MYO5B: variants seen among roughly 807,000 people sequenced by gnomAD.
The protein encoded by MYO5B is unconventional myosin-Vb.
Under a neutral mutation model 229.3 loss-of-function variants are expected in MYO5B, and 143 were observed. The observed-to-expected ratio is 0.62, with a 90% CI of 0.54 to 0.72. The LOEUF (loss-of-function observed/expected upper bound fraction) is 0.72. Among genes scored for constraint, MYO5B ranks in the 30% least tolerant of loss-of-function variants. MYO5B has a pLI of 0.00. For missense variants in MYO5B, 2,321 were observed against 2,331.0 expected (o/e 1.00, Z 0.09); for synonymous variants, 918 against 885.2 (o/e 1.04, Z -0.66).
intron 1 of MYO5B, among the ~76,000 whole-genome samples, chr18:50,168,104 G>A (rs2032878535): frequency 6.6e-6 from 1 of 152,160 alleles, no homozygotes; most frequent in Non-Finnish European, 1.5e-5. Context: ...ATTCAGCACT[G>A]CATTGATAGA....
At position 49,961,892 on chromosome 18, in the gene MYO5B, C is replaced by G. The variant is rs898518116; in HGVS notation, c.1545+374G>C. Among the ~76,000 whole-genome samples the G allele has an allele frequency of 5.3e-5, 8 of 152,160 alleles. No homozygotes were observed. In the South Asian group the frequency reaches 6.2e-4, roughly 12 times the overall value. ...ACTCTATCACTCACAAGCCATCTGA[C>G]GTGGCATTAGCAATCCCAGACTTTA... On this transcript the variant is annotated intron_variant, in intron 12 of 39. Coordinates refer to ENST00000285039, the MANE Select transcript of MYO5B (RefSeq NM_001080467.3).
chr18:50,163,181 A>G (rs572628788), intron 1 of MYO5B, among the ~76,000 whole-genome samples: 1 of 152,254 alleles, frequency 6.6e-6, no homozygotes, highest in African/African-American at 2.4e-5. Context: ...GCAAAGCCCA[A>G]CCAAGCCTGC....
chr18:50,195,095 G>A lies in MYO5B; in HGVS notation c.-302C>T. The A allele has an allele frequency of 3.7e-6, 1 of 271,534 alleles. No homozygotes were observed. The allele number at this position is 271,534 out of a possible 1,614,324, so 16.8% of individuals were successfully genotyped here. On this transcript the variant is annotated 5_prime_UTR_variant, in exon 1 of 40. Coordinates refer to ENST00000285039, the MANE Select transcript of MYO5B (RefSeq NM_001080467.3). ...TGGGGAGGAGGCGAGGGCCGGCGAG[G>A]AGGGAGGACCCGCTCGCGTCAGAGC...
At position 50,038,898 on chromosome 18, in the gene MYO5B, A is replaced by C. The variant is rs371803458; in HGVS notation, c.310+1245T>G. ...GATAATTGACAGTTTGTTTCAAATA[A>C]AACTCCCACCAGCAGTTGGAGTGAA... On this transcript the variant is annotated intron_variant, in intron 3 of 39. Coordinates refer to ENST00000285039, the MANE Select transcript of MYO5B (RefSeq NM_001080467.3). 5.9e-5 allele frequency among the ~76,000 whole-genome samples: 9 copies of C among 152,310 alleles called. No homozygotes were observed. In the South Asian group the frequency reaches 1.5e-3, roughly 25 times the overall value.
At position 49,902,652 on chromosome 18, in the gene MYO5B, C is replaced by T. The variant is rs2298624; in HGVS notation, c.2753G>A (p.Arg918His). The T allele has an allele frequency of 0.14, 220,898 of 1,613,258 alleles. 16,189 individuals carry two copies. Among genetic ancestry groups the T allele is most frequent in the East Asian group, 0.24 (10,679 of 44,868 alleles). Residue 918 changes from arginine (R) to histidine (H), a missense_variant, in exon 21 of 40, where the codon CGT becomes CAT. By Grantham distance (29) the Arg-to-His change is conservative. This residue lies in a region of MYO5B where 2,113 missense variants were observed against 2,044.7 expected (regional missense o/e 1.03). Transcript: ENST00000285039. ...CTTGTTCTCCATGCCCACGTTGAGA[C>T]GTTTCAGATGCTCTGCTGAGCGGGC... ...IEARSAEHLK[R>H]LNVGMENKVV...
chr18:49,846,237 C>G (rs920183783), intron 33 of MYO5B, among the ~76,000 whole-genome samples: 1 of 152,178 alleles, frequency 6.6e-6, no homozygotes, highest in Non-Finnish European at 1.5e-5. Flanking sequence ...GCATTCCTCA[C>G]TTTAATGAGC....
chr18:49,923,070 A>G (rs2044222089), intron 17 of MYO5B, among the ~76,000 whole-genome samples: 1 of 152,184 alleles, frequency 6.6e-6, no homozygotes, highest in African/African-American at 2.4e-5. Context: ...CAACTAGGGG[A>G]GTAAGCAGTA....
chr18:49,955,401 C>T (rs2025481679), intron 12 of MYO5B, among the ~76,000 whole-genome samples: 1 of 152,224 alleles, frequency 6.6e-6, no homozygotes, highest in Non-Finnish European at 1.5e-5. Context: ...GTCATCGCTG[C>T]ACACACTTAC....
At chr18:49,922,207 T>C (rs1428628921) in intron 17 of MYO5B, among the ~76,000 whole-genome samples, 1 of 152,218 alleles carries the variant, frequency 6.6e-6, no homozygotes, top group Non-Finnish European at 1.5e-5. Flanking sequence ...TAACACCTTG[T>C]TGGGCAGACA....
At chr18:50,185,147 C>T (rs1222632943) in intron 1 of MYO5B, among the ~76,000 whole-genome samples, 3 of 151,898 alleles carry the variant, frequency 2.0e-5, no homozygotes, top group African/African-American at 4.8e-5. Context: ...CCAGTTAATA[C>T]AAACAAGAAA....
At chr18:49,875,565 C>G in intron 26 of MYO5B, 122 bp downstream of exon 26, 2 of 1,341,832 alleles carry the variant, frequency 1.5e-6, no homozygotes, top group Non-Finnish European at 2.1e-6. Flanking sequence ...AAGTAGGAGC[C>G]CTCTGAGACT....
intron 4 of MYO5B, among the ~76,000 whole-genome samples, chr18:50,021,542 A>T (rs78154621): frequency 0.024 from 3,679 of 152,252 alleles, 52 homozygotes; most frequent in Non-Finnish European, 0.036. Context: ...GAAAATTAAA[A>T]GGCAGTATAA....
chr18:49,995,181 T>A (rs1456165999), intron 5 of MYO5B, among the ~76,000 whole-genome samples: 1 of 151,972 alleles, frequency 6.6e-6, no homozygotes, highest in African/African-American at 2.4e-5. Context: ...CCACCACACA[T>A]GTGGGCAACT....
intron 4 of MYO5B, among the ~76,000 whole-genome samples, chr18:50,026,305 CTGTAA>C (rs372601885): frequency 1 from 152,383 of 152,388 alleles, 76,189 homozygotes; most frequent in Middle Eastern, 1. Context: ...TTTACAGTGT[CTGTAA>C]ACTGTAAAAG....
chr18:50,118,656 G>T (rs1262519568), intron 1 of MYO5B, among the ~76,000 whole-genome samples: 1 of 138,050 alleles, frequency 7.2e-6, no homozygotes, highest in Admixed American at 7.7e-5. Context: ...ACGGAGTCTC[G>T]CTTTGTCGCC....
At chr18:50,134,035 T>C (rs1422249921) in intron 1 of MYO5B, among the ~76,000 whole-genome samples, 3 of 152,102 alleles carry the variant, frequency 2.0e-5, no homozygotes, top group Non-Finnish European at 4.4e-5. Flanking sequence ...GATATATAGA[T>C]ATAGAGTATC....
At chr18:50,075,190 C>T (rs569474259) in intron 1 of MYO5B, among the ~76,000 whole-genome samples, 2 of 152,252 alleles carry the variant, frequency 1.3e-5, no homozygotes, top group African/African-American at 2.4e-5. Flanking sequence ...CATGGGAGCG[C>T]ATTCCAGTTG....
intron 1 of MYO5B, among the ~76,000 whole-genome samples, chr18:50,081,477 A>G (rs1599006456): frequency 6.6e-6 from 1 of 152,180 alleles, no homozygotes; most frequent in East Asian, 1.9e-4. Flanking sequence ...GGTGGTGGGA[A>G]AAGGGAGGAA....
chr18:50,095,727 C>G lies in MYO5B; in HGVS notation c.28-40349G>C, dbSNP rs551265477. The stretch of plus-strand genomic sequence containing the variant: ...TGGGATGGCCAGCCACCTACTCTAA[C>G]CACCCATGTGAGAAATGACTACAGT... On this transcript the variant is annotated intron_variant, in intron 1 of 39. Coordinates refer to ENST00000285039, the MANE Select transcript of MYO5B (RefSeq NM_001080467.3). 7.2e-5 allele frequency among the ~76,000 whole-genome samples: 11 copies of G among 152,318 alleles called. No individual in the cohort carries two copies. In the East Asian group the frequency reaches 1.9e-3, roughly 27 times the overall value.
Sources: gnomAD v4.1 joint callset for allele counts (sites outside exome capture counted in the v4.1 genomes callset) on GRCh38, gnomAD v4.1.1 for gene constraint, gnomAD v4.1.1 regional missense constraint, MANE v1.5 for transcripts, NCBI Gene and HGNC (gene_info 2026-07-23, HGNC 2026-07-21) for gene names.